LIMS1: variants seen among roughly 807,000 people sequenced by gnomAD.
LIMS1 encodes the protein LIM and senescent cell antigen-like-containing domain protein 1.
A neutral mutation model predicts 44.1 loss-of-function variants in LIMS1; 18 were observed. That is an observed-to-expected ratio of 0.41 (90% CI 0.28 to 0.61). The LOEUF (loss-of-function observed/expected upper bound fraction) is 0.61. Among genes scored for constraint, LIMS1 ranks in the 20% least tolerant of loss-of-function variants. LIMS1 has a pLI of 0.32. For synonymous variants in LIMS1, 93 were observed against 149.1 expected, an observed-to-expected ratio of 0.62 and a Z score of 2.74; for missense variants, 201 against 422.0, an observed-to-expected ratio of 0.48 and a Z score of 4.59.
chr2:108,613,032 C>T (rs913900608), intron 1 of LIMS1, among the ~76,000 whole-genome samples: 2 of 152,130 alleles, frequency 1.3e-5, no homozygotes, highest in African/African-American at 4.8e-5. Context: ...TGGATCCACA[C>T]ACTCTTATTG....
chr2:108,598,002 T>C (rs973635346), intron 1 of LIMS1, among the ~76,000 whole-genome samples: 11 of 151,814 alleles, frequency 7.2e-5, no homozygotes, highest in Non-Finnish European at 1.3e-4. Flanking sequence ...AGAAATGCTA[T>C]TTTTTTAAAG....
intron 1 of LIMS1, among the ~76,000 whole-genome samples, chr2:108,627,876 GT>G (rs1688671200): frequency 6.6e-6 from 1 of 152,138 alleles, no homozygotes; most frequent in African/African-American, 2.4e-5. Context: ...ACCTCCTTAA[GT>G]TTTTTTAAAT....
intron 1 of LIMS1, among the ~76,000 whole-genome samples, chr2:108,554,413 G>A (rs1234963800): frequency 1.3e-5 from 2 of 152,252 alleles, no homozygotes; most frequent in East Asian, 3.9e-4. Flanking sequence ...TACTTGGCAT[G>A]GTGTCCCATT....
At chr2:108,547,461 A>G (rs1315241647) in intron 1 of LIMS1, among the ~76,000 whole-genome samples, 1 of 152,194 alleles carries the variant, frequency 6.6e-6, no homozygotes, top group Non-Finnish European at 1.5e-5. Context: ...CCCACAACAC[A>G]GATGCAGAAA....
chr2:108,680,375 A>G (rs1692882996), intron 8 of LIMS1, among the ~76,000 whole-genome samples: 1 of 140,840 alleles, frequency 7.1e-6, no homozygotes. Context: ...CAAAAAAAAA[A>G]AAAAAAAAAA....
At chr2:108,604,453 C>T (rs1382918530) in intron 1 of LIMS1, among the ~76,000 whole-genome samples, 2 of 152,180 alleles carry the variant, frequency 1.3e-5, no homozygotes, top group South Asian at 2.1e-4. Flanking sequence ...TTTGATGATT[C>T]GTGCCATAGA....
intron 1 of LIMS1, among the ~76,000 whole-genome samples, chr2:108,589,764 C>T (rs971182648): frequency 6.6e-6 from 1 of 152,020 alleles, no homozygotes; most frequent in Admixed American, 6.6e-5. Flanking sequence ...TCTTTAATTT[C>T]CCCTTTAATT....
intron 1 of LIMS1, among the ~76,000 whole-genome samples, chr2:108,639,115 A>C (rs112268303): frequency 1.7e-4 from 26 of 152,274 alleles, no homozygotes; most frequent in African/African-American, 5.1e-4. Flanking sequence ...TGCGATACAG[A>C]ACACAACATT....
intron 1 of LIMS1, among the ~76,000 whole-genome samples, chr2:108,642,337 TTTTTGTTTTTTTTTTTTTTTGTTTTTTG>T (rs1467260252): frequency 4.9e-5 from 1 of 20,254 alleles, no homozygotes; most frequent in African/African-American, 1.3e-4. Flanking sequence ...CTACTAGTGT[TTTTTGTTTTTTTTTTTTTTTGTTTTTTG>T]TTTTTTTTTT....
intron 9 of LIMS1, among the ~76,000 whole-genome samples, chr2:108,683,539 CAAAAAAAAAA>C (rs35864001): frequency 4.7e-5 from 5 of 105,986 alleles, no homozygotes; most frequent in South Asian, 3.1e-4. Flanking sequence ...GCTCTGTTTC[CAAAAAAAAAA>C]AAAAAAAAAA....
At chr2:108,643,726 G>A (rs990911158) in intron 1 of LIMS1, among the ~76,000 whole-genome samples, 3 of 152,178 alleles carry the variant, frequency 2.0e-5, no homozygotes, top group Non-Finnish European at 4.4e-5. Flanking sequence ...CTGGCTTGAT[G>A]GGTCCCACCC....
chr2:108,584,962 G>A (rs1430971492), intron 1 of LIMS1, among the ~76,000 whole-genome samples: 2 of 151,844 alleles, frequency 1.3e-5, no homozygotes, highest in African/African-American at 2.4e-5. Flanking sequence ...CACCAGCCTG[G>A]CAACATGGTG....
intron 2 of LIMS1, among the ~76,000 whole-genome samples, chr2:108,664,699 C>G (rs566590883): frequency 6.6e-6 from 1 of 152,172 alleles, no homozygotes; most frequent in South Asian, 2.1e-4. Flanking sequence ...AAAAGTTGAG[C>G]TATACTATGT....
chr2:108,684,078 A>G (rs1013253164), exon 10 of LIMS1: 4 of 717,792 alleles, frequency 5.6e-6, no homozygotes, highest in African/African-American at 5.5e-5. Context: ...ATTTAAAGCT[A>G]TATCTCAAAG....
chr2:108,534,207 G>A (rs1474717128), upstream of LIMS1: 1 of 155,810 alleles, frequency 6.4e-6, no homozygotes, highest in East Asian at 1.9e-4. Context: ...AGACTAGCCT[G>A]GGGTGCTGAA....
intron 1 of LIMS1, among the ~76,000 whole-genome samples, chr2:108,574,665 T>A (rs1685604856): frequency 1.3e-5 from 2 of 152,350 alleles, no homozygotes; most frequent in South Asian, 4.1e-4. Flanking sequence ...CAGGTATTAC[T>A]ATACCTGTTT....
intron 1 of LIMS1, among the ~76,000 whole-genome samples, chr2:108,651,756 A>G (rs569388898): frequency 6.6e-6 from 1 of 151,852 alleles, no homozygotes; most frequent in African/African-American, 2.4e-5. Context: ...GAACAGCCAG[A>G]TGGAAGAGAT....
At chr2:108,678,928 A>G (rs747597909) in intron 8 of LIMS1, among the ~76,000 whole-genome samples, 65 of 152,214 alleles carry the variant, frequency 4.3e-4, no homozygotes, top group Admixed American at 7.2e-4. Context: ...GCCCAGGCCA[A>G]GGGGGCACAG....
chr2:108,637,366 T>C (rs1045663444), intron 1 of LIMS1, among the ~76,000 whole-genome samples: 20 of 152,212 alleles, frequency 1.3e-4, no homozygotes, highest in Non-Finnish European at 2.8e-4. Context: ...ACCTTATCAT[T>C]GAGGGAAGTA....
Sources: gnomAD v4.1 joint callset for allele counts (sites outside exome capture counted in the v4.1 genomes callset) on GRCh38, gnomAD v4.1.1 for gene constraint, MANE v1.5 for transcripts, NCBI Gene and HGNC (gene_info 2026-07-23, HGNC 2026-07-21) for gene names.